The following GRIA4 variants were observed in gnomAD, a reference collection of about 807,000 sequenced individuals.
GRIA4 encodes the protein glutamate receptor 4.
In GRIA4, 34 loss-of-function variants were observed where a neutral mutation model predicts 104.0. That is an observed-to-expected ratio of 0.33 (90% CI 0.25 to 0.44). The LOEUF (loss-of-function observed/expected upper bound fraction) is 0.44. Ranked by LOEUF, GRIA4 falls within the 20% of genes least tolerant of loss-of-function variation. The pLI, the probability that GRIA4 is intolerant of heterozygous loss-of-function variation, is 1.00. For synonymous variants in GRIA4, 386 were observed against 381.9 expected, an observed-to-expected ratio of 1.01 and a Z score of -0.13; for missense variants, 750 against 1,096.5, an observed-to-expected ratio of 0.68 and a Z score of 4.46.
intron 14 of GRIA4, among the ~76,000 whole-genome samples, chr11:105,938,610 T>G (rs1301749881): frequency 6.6e-6 from 1 of 152,220 alleles, no homozygotes; most frequent in Non-Finnish European, 1.5e-5. Context: ...TAACTTATTT[T>G]TTGTAATCCC....
intron 5 of GRIA4, among the ~76,000 whole-genome samples, chr11:105,877,455 A>G (rs976374777): frequency 3.7e-4 from 57 of 152,206 alleles, no homozygotes; most frequent in Non-Finnish European, 7.6e-4. Context: ...ATATTGGCCT[A>G]TCTTGCTAGG....
intron 16 of GRIA4, among the ~76,000 whole-genome samples, chr11:105,976,462 A>G (rs192440940): frequency 7.9e-6 from 1 of 126,806 alleles, no homozygotes; most frequent in African/African-American, 2.9e-5. Context: ...TTAGAGGTAG[A>G]TTTGAACATT....
In GRIA4 at chr11:105,888,478, G is replaced by T. The variant is rs1458375800; in HGVS notation, c.726+906G>T. Among the ~76,000 whole-genome samples the T allele has an allele frequency of 2.6e-5, 4 of 151,138 alleles. No individual in the cohort carries two copies. In the East Asian group the frequency reaches 7.8e-4, roughly 30 times the overall value. ...TTTTTTTGTATTTTTAGTAGAGACG[G>T]GGTTTCACCGTTTTAGCCGGGATGG... On this transcript the variant is annotated intron_variant, in intron 6 of 16. Transcript: ENST00000282499.
intron 5 of GRIA4, among the ~76,000 whole-genome samples, chr11:105,885,914 A>G (rs1041406821): frequency 2.0e-5 from 3 of 152,238 alleles, no homozygotes; most frequent in African/African-American, 7.2e-5. Flanking sequence ...TTGAAGGATT[A>G]TTTTAAGAGA....
At chr11:105,802,270 T>A (rs1942753280) in intron 4 of GRIA4, among the ~76,000 whole-genome samples, 1 of 152,154 alleles carries the variant, frequency 6.6e-6, no homozygotes, top group Non-Finnish European at 1.5e-5. Context: ...AGAGCCCGCC[T>A]GACAGTGCTG....
In GRIA4 at chr11:105,897,301, T is replaced by C. The variant is rs182006787; in HGVS notation, c.727-968T>C. On this transcript the variant is annotated intron_variant, in intron 6 of 16. Coordinates refer to ENST00000282499, the MANE Select transcript of GRIA4 (RefSeq NM_000829.4). ...TACTGCAATTGTTTATCAGACATAGTAGTCTTCTGGAGGAGTCTTTAGGAT... is the reference window on the plus strand; with the variant it reads ...TACTGCAATTGTTTATCAGACATAGCAGTCTTCTGGAGGAGTCTTTAGGAT... Among the ~76,000 whole-genome samples, 18 of 152,212 alleles carry C rather than the reference T, an allele frequency of 1.2e-4. No homozygotes were observed. In the East Asian group the frequency reaches 3.5e-3, roughly 29 times the overall value.
At chr11:105,629,709 G>A (rs972813422) in intron 3 of GRIA4, among the ~76,000 whole-genome samples, 2 of 152,236 alleles carry the variant, frequency 1.3e-5, no homozygotes, top group Admixed American at 1.3e-4. Flanking sequence ...GTTACAAAAT[G>A]TTGAATTTGT....
intron 3 of GRIA4, among the ~76,000 whole-genome samples, chr11:105,710,326 A>C (rs1953866970): frequency 6.6e-6 from 1 of 152,066 alleles, no homozygotes; most frequent in Non-Finnish European, 1.5e-5. Context: ...GATTAGTGAT[A>C]TGTAGGAAGC....
chr11:105,887,398 A>T (rs2136099387), intron 5 of GRIA4, 121 bp from the exon 6 acceptor site: 1 of 510,202 alleles, frequency 2.0e-6, no homozygotes, highest in Non-Finnish European at 3.5e-6. Context: ...TTTATTTTTT[A>T]AAAAACTATC....
chr11:105,674,386 T>C (rs1562223), intron 3 of GRIA4, among the ~76,000 whole-genome samples: 148,003 of 151,488 alleles, frequency 0.98, 72,373 homozygotes, highest in Non-Finnish European at 1. Context: ...AAGTTTAGAC[T>C]GCTGTAACTT....
chr11:105,842,468 C>G (rs933544947), intron 4 of GRIA4, among the ~76,000 whole-genome samples: 1 of 152,116 alleles, frequency 6.6e-6, no homozygotes, highest in African/African-American at 2.4e-5. Context: ...GGGACTTGTA[C>G]TAGGACAACA....
intron 4 of GRIA4, among the ~76,000 whole-genome samples, chr11:105,797,254 G>T (rs547467122): frequency 2.0e-5 from 3 of 151,912 alleles, no homozygotes; most frequent in Non-Finnish European, 4.4e-5. Flanking sequence ...AGAAAAAAAG[G>T]AAATAGTATA....
At chr11:105,747,602 T>G (rs1182778303) in intron 3 of GRIA4, among the ~76,000 whole-genome samples, 2 of 151,936 alleles carry the variant, frequency 1.3e-5, no homozygotes, top group Non-Finnish European at 2.9e-5. Flanking sequence ...GAGCAACAAC[T>G]GAAAGAATAA....
chr11:105,958,957 TAG>T (rs1948663163), intron 14 of GRIA4, among the ~76,000 whole-genome samples: 1 of 152,222 alleles, frequency 6.6e-6, no homozygotes, highest in African/African-American at 2.4e-5. Flanking sequence ...TTCTAGCTTG[TAG>T]AGTTTTTGCT....
chr11:105,914,825 A>T (rs1366336801), intron 10 of GRIA4, among the ~76,000 whole-genome samples: 1 of 152,200 alleles, frequency 6.6e-6, no homozygotes, highest in East Asian at 1.9e-4. Context: ...TTTTTATTCA[A>T]AATTGAACAC....
At chr11:105,814,674 A>C (rs1191069243) in intron 4 of GRIA4, among the ~76,000 whole-genome samples, 1 of 152,164 alleles carries the variant, frequency 6.6e-6, no homozygotes, top group African/African-American at 2.4e-5. Flanking sequence ...GTATACAGAA[A>C]GGGAAAAAAA....
intron 5 of GRIA4, among the ~76,000 whole-genome samples, chr11:105,870,352 A>AT (rs1945567726): frequency 6.6e-6 from 1 of 151,772 alleles, no homozygotes; most frequent in Non-Finnish European, 1.5e-5. Context: ...ACATTCTATT[A>AT]TTTTCCTTTC....
chr11:105,974,595 A>G (rs1312386611), intron 16 of GRIA4, 151 bp downstream of exon 16: 1 of 1,592,550 alleles, frequency 6.3e-7, no homozygotes, highest in African/African-American at 1.3e-5. Flanking sequence ...TGGGGGATGC[A>G]TCCTGTGAAC....
intron 4 of GRIA4, among the ~76,000 whole-genome samples, chr11:105,836,519 A>G (rs1401840149): frequency 6.6e-6 from 1 of 152,146 alleles, no homozygotes; most frequent in Non-Finnish European, 1.5e-5. Context: ...CCCTGCCTGG[A>G]CAGGCATTCT....
Sources: allele counts gnomAD v4.1 joint callset (sites outside exome capture counted in the v4.1 genomes callset), GRCh38; gene constraint gnomAD v4.1.1; transcripts MANE v1.5; gene names NCBI Gene and HGNC (gene_info 2026-07-23, HGNC 2026-07-21).